GDAP1: variants seen among roughly 807,000 people sequenced by gnomAD.
GDAP1 encodes ganglioside-induced differentiation-associated protein 1.
GDAP1 carries 34 observed loss-of-function variants against 40.1 expected under a neutral mutation model. The ratio of observed to expected loss-of-function variants is 0.85; its 90% CI spans 0.64 to 1.13. The LOEUF (loss-of-function observed/expected upper bound fraction) is 1.13, where lower values mean the gene tolerates loss of function less well. GDAP1 is among the 50% of genes most tolerant of loss of function. The pLI is 0.00. For synonymous variants in GDAP1, 170 were observed against 157.4 expected, an observed-to-expected ratio of 1.08 and a Z score of -0.60; for missense variants, 374 against 433.7, an observed-to-expected ratio of 0.86 and a Z score of 1.22.
chr8:74,430,064 G>A (rs1389884117), intron 2 of GDAP1, among the ~76,000 whole-genome samples: 1 of 152,094 alleles, frequency 6.6e-6, no homozygotes, highest in African/African-American at 2.4e-5. Context: ...AAAAGCATAT[G>A]ACTTATAGCC....
Position 74,413,433 on chromosome 8 carries a change from G to A in GDAP1, c.165+62112G>A, listed in dbSNP as rs116765646. On this transcript the variant is annotated intron_variant, in intron 2 of 2. Transcript: ENST00000523640. ...GGATATCAGTGGGGATGTGGGGAGA[G>A]GGAGAATGAGCACCAGGAGAAGTCC... is the stretch of plus-strand genomic sequence containing the variant. Among the ~76,000 whole-genome samples the A allele has an allele frequency of 6.1e-3, 911 of 149,986 alleles. 94 individuals are homozygous for A. Among genetic ancestry groups the A allele is most frequent in the African/African-American group, 0.022 (850 of 39,334 alleles).
Position 74,364,280 on chromosome 8 carries a change from A to C in GDAP1, c.990A>C (p.Ala330=), listed in dbSNP as rs1809517791. The C allele has an allele frequency of 6.2e-7, 1 of 1,614,076 alleles. No individual in the cohort carries two copies. The highest frequency in any genetic ancestry group is 8.5e-7 in the Non-Finnish European group (1 of 1,179,994). ...CGACCCTTGTGGTTGGTTTGCTTGC[A>C]GGAGTGGGATATTTTGCTTTTATGC... ...LGTTLVVGLL[A]GVGYFAFMLF... The change falls in exon 6 of 6, where the codon GCA becomes GCC. Residue 330 remains alanine (A), a synonymous_variant. Coordinates refer to ENST00000220822, the MANE Select transcript of GDAP1 (RefSeq NM_018972.4).
chr8:74,359,734 A>G (rs573185534), intron 2 of GDAP1, among the ~76,000 whole-genome samples: 2 of 152,338 alleles, frequency 1.3e-5, no homozygotes, highest in Admixed American at 1.3e-4. Flanking sequence ...GGGAAAAAAG[A>G]TGCAATGAAT....
intron 2 of GDAP1, among the ~76,000 whole-genome samples, chr8:74,355,529 C>G (rs1809054606): frequency 6.6e-6 from 1 of 152,114 alleles, no homozygotes; most frequent in African/African-American, 2.4e-5. Flanking sequence ...TTACAGCAAG[C>G]AATTGATTAA....
intron 2 of GDAP1, among the ~76,000 whole-genome samples, chr8:74,459,274 A>G (rs1747062293): frequency 6.6e-6 from 1 of 152,220 alleles, no homozygotes; most frequent in African/African-American, 2.4e-5. Context: ...ATATAATGGA[A>G]ATAATGAGGA....
chr8:74,399,192 GT>G (rs1485738285), intron 2 of GDAP1, among the ~76,000 whole-genome samples: 1 of 150,622 alleles, frequency 6.6e-6, no homozygotes, highest in African/African-American at 2.5e-5. Flanking sequence ...ACTCTTTTTG[GT>G]TGGTAAGCTA....
At chr8:74,397,088 G>T (rs538694514) in intron 2 of GDAP1, among the ~76,000 whole-genome samples, 1 of 152,024 alleles carries the variant, frequency 6.6e-6, no homozygotes, top group Admixed American at 6.6e-5. Context: ...GTTTTGATTT[G>T]CATTTCTCTG....
intron 2 of GDAP1, among the ~76,000 whole-genome samples, chr8:74,379,242 G>A (rs1276958512): frequency 6.6e-6 from 1 of 152,146 alleles, no homozygotes; most frequent in Non-Finnish European, 1.5e-5. Flanking sequence ...TGTGGAGTAA[G>A]AGCCACTGTG....
At chr8:74,460,998 T>G (rs73331374) in intron 2 of GDAP1, among the ~76,000 whole-genome samples, 1,984 of 152,084 alleles carry the variant, frequency 0.013, 36 homozygotes, top group African/African-American at 0.044. Context: ...GAGGGTATTC[T>G]CTATCCTCTT....
rs117482271 is a variant in GDAP1 at position 74,357,776 on chromosome 8, C to T, written c.311-2361C>T. Among the ~76,000 whole-genome samples, 68 of 152,224 alleles carry T rather than the reference C, an allele frequency of 4.5e-4. No individual in the cohort carries two copies. In the East Asian group the frequency reaches 0.012, roughly 28 times the overall value. On this transcript the variant is annotated intron_variant, in intron 2 of 5. Coordinates refer to ENST00000220822, the MANE Select transcript of GDAP1 (RefSeq NM_018972.4). ...AACTCCCTAATTCTCTGTCCTGCCC[C>T]GCTATGCCTTATGTTGCTTTCCCAC...
intron 2 of GDAP1, among the ~76,000 whole-genome samples, chr8:74,480,380 G>A (rs1586848579): frequency 6.6e-6 from 1 of 152,204 alleles, no homozygotes; most frequent in East Asian, 1.9e-4. Flanking sequence ...TAGGAGTTGG[G>A]TTGTGGAATA....
chr8:74,483,368 G>A (rs569448464), intron 2 of GDAP1, among the ~76,000 whole-genome samples: 22 of 152,124 alleles, frequency 1.4e-4, no homozygotes, highest in African/African-American at 5.1e-4. Flanking sequence ...TATTAGGTTG[G>A]TGCAAAAGTA....
intron 2 of GDAP1, among the ~76,000 whole-genome samples, chr8:74,428,633 ATTTTTTT>A (rs1195348725): frequency 4.7e-5 from 2 of 42,846 alleles, no homozygotes; most frequent in East Asian, 1.0e-3. Flanking sequence ...CACCCGGCTA[ATTTTTTT>A]TTTTTTTTTT....
chr8:74,404,833 G>T (rs1805616980), intron 2 of GDAP1, among the ~76,000 whole-genome samples: 2 of 149,798 alleles, frequency 1.3e-5, no homozygotes, highest in African/African-American at 2.6e-5. Context: ...GTCCATGGGG[G>T]ATTGTTTCCA....
chr8:74,430,647 A>G (rs964039307), intron 2 of GDAP1, among the ~76,000 whole-genome samples: 5 of 152,154 alleles, frequency 3.3e-5, no homozygotes, highest in African/African-American at 1.2e-4. Flanking sequence ...GAGAATAGGC[A>G]CAGAAGTGAA....
At chr8:74,357,325 C>T (rs575824838) in intron 2 of GDAP1, among the ~76,000 whole-genome samples, 2 of 152,198 alleles carry the variant, frequency 1.3e-5, no homozygotes, top group African/African-American at 2.4e-5. Flanking sequence ...ATAATGAAAA[C>T]TTATGCCTTT....
chr8:74,356,328 T>C (rs1032073101), intron 2 of GDAP1, among the ~76,000 whole-genome samples: 1 of 152,194 alleles, frequency 6.6e-6, no homozygotes, highest in Non-Finnish European at 1.5e-5. Flanking sequence ...ATCTAACAAT[T>C]GGAACAAACT....
At chr8:74,450,391 C>G (rs1563473320) in intron 2 of GDAP1, among the ~76,000 whole-genome samples, 1 of 151,590 alleles carries the variant, frequency 6.6e-6, no homozygotes, top group Non-Finnish European at 1.5e-5. Context: ...TATATATCTA[C>G]TGATTTTTTT....
chr8:74,351,577 G>A, intron 2 of GDAP1, 111 bp downstream of exon 2: 1 of 909,958 alleles, frequency 1.1e-6, no homozygotes, highest in South Asian at 1.3e-5. Flanking sequence ...CATGATGGTG[G>A]TTTGGGATTA....
Sources: gnomAD v4.1 joint callset for allele counts (sites outside exome capture counted in the v4.1 genomes callset) on GRCh38, gnomAD v4.1.1 for gene constraint, MANE v1.5 for transcripts, NCBI Gene and HGNC (gene_info 2026-07-23, HGNC 2026-07-21) for gene names.